The following MTERF3 variants were observed in gnomAD, a reference collection of about 807,000 sequenced individuals.
The protein encoded by MTERF3 is mitochondrial transcription termination factor 3.
MTERF3 carries 40 observed loss-of-function variants against 40.5 expected under a neutral mutation model. The observed-to-expected ratio is 0.99, with a 90% CI of 0.77 to 1.29. The LOEUF is 1.29. MTERF3 is among the 50% of genes most tolerant of loss of function. MTERF3 has a pLI of 0.00. For synonymous variants in MTERF3, 158 were observed against 166.6 expected (o/e 0.95, Z 0.40); for missense variants, 452 against 478.2 (o/e 0.95, Z 0.51).
chr8:96,259,352 A>G (rs1255172804), intron 1 of MTERF3, among the ~76,000 whole-genome samples: 1 of 152,140 alleles, frequency 6.6e-6, no homozygotes, highest in African/African-American at 2.4e-5. Flanking sequence ...CAGTTTTGTC[A>G]AGTTTTGTTT....
chr8:96,244,566 A>G (rs977777022), intron 6 of MTERF3, among the ~76,000 whole-genome samples: 1 of 151,126 alleles, frequency 6.6e-6, no homozygotes, highest in African/African-American at 2.4e-5. Context: ...ATGCCTGGCT[A>G]ATTTTTGTAT....
At position 96,250,610 on chromosome 8, in the gene MTERF3, T is replaced by A. The variant is rs559471314; in HGVS notation, c.677+296A>T. Among the ~76,000 whole-genome samples, 63 of 37,014 alleles carry A rather than the reference T, an allele frequency of 1.7e-3. No homozygotes were observed. The Middle Eastern group carries it at 0.083, about 49-fold the overall frequency. The allele number at this position is 37,014 out of a possible 152,430, so 24.3% of individuals were successfully genotyped here. A position where few individuals can be genotyped will look rare whatever the true frequency, so the allele number is the denominator to read the frequency against. ...GTAGTCACCCAGCTACTTGGGAGGC[T>A]GAGGCAGAAGAAGAAGAAGAAGAAG... On this transcript the variant is annotated intron_variant, in intron 4 of 7. Transcript: ENST00000287025.
chr8:96,249,666 C>T (rs1249410563), intron 4 of MTERF3, among the ~76,000 whole-genome samples: 1 of 152,094 alleles, frequency 6.6e-6, no homozygotes, highest in Non-Finnish European at 1.5e-5. Flanking sequence ...TAGTAAGGAT[C>T]AACATCAGTG....
rs1416283331 is a variant in MTERF3, at chr8:96,246,376, G to C, written c.756C>G (p.Asn252Lys). ...TGTTATCCAGTCTTTCCACTGAAAAGTTCAGCAAAAATGGTGCTTTTCTGA... is the reference window on the plus strand; with the variant it reads ...TGTTATCCAGTCTTTCCACTGAAAACTTCAGCAAAAATGGTGCTTTTCTGA... Reference protein sequence around the residue: ...QMVRKAPFLLNFSVERLDNRL... With the variant: ...QMVRKAPFLLKFSVERLDNRL... The change falls in exon 5 of 8, where the codon AAC becomes AAG. Residue 252 changes from asparagine (N) to lysine (K), a missense_variant. Physicochemically the swap from Asn to Lys is moderately conservative, Grantham distance 94 (BLOSUM62 0). Coordinates refer to ENST00000287025, the MANE Select transcript of MTERF3 (RefSeq NM_015942.5). 1.2e-6 allele frequency: 2 copies of C among 1,612,768 alleles called. No homozygotes were observed. The highest frequency in any genetic ancestry group is 1.7e-6 in the Non-Finnish European group (2 of 1,179,702).
At chr8:96,252,834 C>T (rs1447085742) in intron 3 of MTERF3, among the ~76,000 whole-genome samples, 1 of 152,172 alleles carries the variant, frequency 6.6e-6, no homozygotes, top group South Asian at 2.1e-4. Flanking sequence ...TGACTGTGCT[C>T]GAACAGAAAT....
intron 6 of MTERF3, among the ~76,000 whole-genome samples, chr8:96,245,525 A>T (rs1248651505): frequency 1.3e-5 from 2 of 152,192 alleles, no homozygotes; most frequent in Non-Finnish European, 2.9e-5. Flanking sequence ...GTAGACTGGT[A>T]ACACTGCCCA....
rs1230628503 is a variant in MTERF3, at chr8:96,259,916, T to TTA, written c.-10-1217_-10-1216insTA. Among the ~76,000 whole-genome samples the TTA allele has an allele frequency of 1.4e-3, 207 of 150,124 alleles. 1 individual carries two copies. Among genetic ancestry groups the TTA allele is most frequent in the Admixed American group, 2.2e-3 (33 of 15,080 alleles). Reference sequence around the variant, plus strand: ...ATTTATTATTATTATTATTATTATTTTTTTTGAGACGGAGTTTCGCCCTTG... The same window carrying TTA: ...ATTTATTATTATTATTATTATTATTTTATTTTTGAGACGGAGTTTCGCCCTTG... On this transcript the variant is annotated intron_variant, in intron 1 of 7. Coordinates refer to ENST00000287025, the MANE Select transcript of MTERF3 (RefSeq NM_015942.5).
chr8:96,248,752 C>A (rs1340184010), intron 4 of MTERF3, among the ~76,000 whole-genome samples: 1 of 151,920 alleles, frequency 6.6e-6, no homozygotes, highest in African/African-American at 2.4e-5. Context: ...AATTAAAATG[C>A]GACTATTCAT....
At chr8:96,253,823 C>G (rs1810230417) in intron 3 of MTERF3, among the ~76,000 whole-genome samples, 1 of 147,610 alleles carries the variant, frequency 6.8e-6, no homozygotes. Flanking sequence ...CTGGGCAACA[C>G]AGTGAGACCT....
At chr8:96,254,092 C>T (rs1198542513) in intron 3 of MTERF3, among the ~76,000 whole-genome samples, 1 of 152,086 alleles carries the variant, frequency 6.6e-6, no homozygotes, top group African/African-American at 2.4e-5. Context: ...AAAGCTGTTT[C>T]GAAAGGAAAA....
At chr8:96,257,788 T>G (rs575732392) in intron 2 of MTERF3, among the ~76,000 whole-genome samples, 1 of 152,332 alleles carries the variant, frequency 6.6e-6, no homozygotes, top group African/African-American at 2.4e-5. Flanking sequence ...TCTCATCATT[T>G]ATAGCCAGCA....
intron 1 of MTERF3, chr8:96,260,209 G>A: frequency 6.6e-6 from 1 of 152,230 alleles, no homozygotes; most frequent in South Asian, 2.1e-4. Context: ...CCCATTCTGC[G>A]ATGATTTTAG....
intron 2 of MTERF3, chr8:96,258,111 T>C (rs1278874212): frequency 8.3e-6 from 4 of 479,792 alleles, no homozygotes; most frequent in East Asian, 1.5e-4. Context: ...ATCTAAACAA[T>C]AAAATATTTA....
At chr8:96,248,682 A>C (rs1161326527) in intron 4 of MTERF3, among the ~76,000 whole-genome samples, 1 of 152,194 alleles carries the variant, frequency 6.6e-6, no homozygotes, top group Admixed American at 6.5e-5. Context: ...CATTGTAATG[A>C]TTTTTCCAAT....
rs776439988 is a variant in MTERF3, at chr8:96,239,699, A to C, written c.1060-14T>G. 1.3e-5 allele frequency: 20 copies of C among 1,558,960 alleles called. No homozygotes were observed. In the East Asian group the frequency reaches 4.5e-4, roughly 35 times the overall value. ...TGTATTAAATACCTAGAAAAGAAAA[A>C]AAAGTTTTTAAAAAACACTGCACAC... On this transcript the variant is annotated splice_polypyrimidine_tract_variant and intron_variant, in intron 7 of 7. Coordinates refer to ENST00000287025, the MANE Select transcript of MTERF3 (RefSeq NM_015942.5).
intron 7 of MTERF3, among the ~76,000 whole-genome samples, chr8:96,240,247 C>CAA (rs955824608): frequency 6.8e-5 from 7 of 103,196 alleles, no homozygotes; most frequent in South Asian, 3.0e-4. Flanking sequence ...GACTCCATCT[C>CAA]AAAAAAAAAA....
At position 96,258,704 on chromosome 8, in the gene MTERF3, C is replaced by T. The variant is rs370192431; in HGVS notation, c.-10-4G>A. 1.9e-6 allele frequency: 3 copies of T among 1,567,706 alleles called. No homozygotes were observed. Among genetic ancestry groups the T allele is most frequent in the East Asian group, 2.3e-5 (1 of 44,286 alleles). ...TGACAAAGCCATTTTTCTTAGTCTA[C>T]AAAGGAAAGATATAACCGTCAAAAG... is the stretch of plus-strand genomic sequence containing the variant. On this transcript the variant is annotated splice_region_variant and splice_polypyrimidine_tract_variant and intron_variant, in intron 1 of 7. Transcript: ENST00000287025.
chr8:96,258,581 A>G lies in MTERF3; in HGVS notation c.110T>C (p.Leu37Pro). Residue 37 changes from leucine (L) to proline (P), a missense_variant, in exon 2 of 8, where the codon CTG (leucine) becomes CCG (proline). Physicochemically the swap from Leu to Pro is moderately conservative, Grantham distance 98. Coordinates refer to ENST00000287025, the MANE Select transcript of MTERF3 (RefSeq NM_015942.5). ...AGGCTGAGCAGAAAAGCCATGTAACAGTGTTCTTGCTGGTCTAGTAAAACG... is the reference window on the plus strand; with the variant it reads ...AGGCTGAGCAGAAAAGCCATGTAACGGTGTTCTTGCTGGTCTAGTAAAACG... ...TKRFTRPART[L>P]LHGFSAQPQI... 1.2e-6 allele frequency: 2 copies of G among 1,614,160 alleles called. No individual in the cohort carries two copies. Among genetic ancestry groups the G allele is most frequent in the Non-Finnish European group, 1.7e-6 (2 of 1,179,988 alleles).
intron 3 of MTERF3, among the ~76,000 whole-genome samples, chr8:96,255,639 G>GAAA (rs754843989): frequency 3.5e-5 from 2 of 57,046 alleles, no homozygotes; most frequent in Non-Finnish European, 7.5e-5. Flanking sequence ...CCAGTCTGAA[G>GAAA]AAAAAAAAAA....
Sources: gnomAD v4.1 joint callset for allele counts (sites outside exome capture counted in the v4.1 genomes callset) on GRCh38, gnomAD v4.1.1 for gene constraint, MANE v1.5 for transcripts, NCBI Gene and HGNC (gene_info 2026-07-23, HGNC 2026-07-21) for gene names.